Variants in CDH8 observed in about 807,000 individuals in gnomAD.
CDH8 encodes cadherin-8.
Under a neutral mutation model 68.1 loss-of-function variants are expected in CDH8, and 17 were observed. The ratio of observed to expected loss-of-function variants is 0.25; its 90% confidence interval spans 0.17 to 0.37. CDH8 has a LOEUF of 0.37. Ranked by LOEUF, CDH8 falls within the 10% of genes least tolerant of loss-of-function variation. The pLI is 1.00. For synonymous variants in CDH8, 372 were observed against 365.1 expected (o/e 1.02, Z -0.21); for missense variants, 763 against 999.3 (o/e 0.76, Z 3.19).
At chr16:61,658,208 C>T (rs1487432266) in intron 10 of CDH8, among the ~76,000 whole-genome samples, 2 of 152,012 alleles carry the variant, frequency 1.3e-5, no homozygotes, top group Non-Finnish European at 2.9e-5. Flanking sequence ...AGAATATTAG[C>T]AGTTTCACAA....
At chr16:61,727,897 C>T (rs1334004260) in intron 8 of CDH8, among the ~76,000 whole-genome samples, 1 of 151,010 alleles carries the variant, frequency 6.6e-6, no homozygotes, top group Non-Finnish European at 1.5e-5. Flanking sequence ...AATACATAAT[C>T]CTCAATCCCT....
chr16:61,735,968 G>A (rs1959666795), intron 8 of CDH8, among the ~76,000 whole-genome samples: 1 of 151,998 alleles, frequency 6.6e-6, no homozygotes, highest in Admixed American at 6.6e-5. Context: ...AGCTATTCTG[G>A]AGGCTGAGGC....
intron 2 of CDH8, among the ~76,000 whole-genome samples, chr16:61,961,953 T>C (rs1178523401): frequency 6.6e-6 from 1 of 152,232 alleles, no homozygotes. Flanking sequence ...GCCTTCTGTG[T>C]ACTGATAATG....
Position 61,789,405 on chromosome 16 carries a change from G to A in CDH8, c.1355C>T (p.Thr452Ile), listed in dbSNP as rs1213999085. 3.7e-6 allele frequency: 6 copies of A among 1,612,944 alleles called. 1 individual carries two copies. The Admixed American group carries it at 5.0e-5, about 13-fold the overall frequency. The change falls in exon 8 of 12, where the codon ACA becomes ATA. Residue 452 changes from threonine to isoleucine, a missense_variant. Transcript: ENST00000577390. ...NADDGKITLATPLDRELSVWH... is the reference protein window; with the variant it reads ...NADDGKITLAIPLDRELSVWH... ...TACACTTAATTCTCTGTCAAGTGGT[G>A]TTGCCAGCGTTATCTTCCCATCGTC...
intron 10 of CDH8, among the ~76,000 whole-genome samples, chr16:61,707,000 C>A (rs1964547565): frequency 6.6e-6 from 1 of 152,164 alleles, no homozygotes. Flanking sequence ...GTTCAAATAA[C>A]TACTTAAGTT....
At chr16:62,020,753 A>G (rs192033398) in intron 2 of CDH8, among the ~76,000 whole-genome samples, 41 of 152,362 alleles carry the variant, frequency 2.7e-4, no homozygotes, top group African/African-American at 9.1e-4. Flanking sequence ...AAATAAAATA[A>G]AACAAAATAA....
chr16:61,741,181 G>T (rs1959863122), intron 8 of CDH8, among the ~76,000 whole-genome samples: 1 of 151,992 alleles, frequency 6.6e-6, no homozygotes, highest in Non-Finnish European at 1.5e-5. Flanking sequence ...ATGTTTACTG[G>T]CCACTTGGAC....
At chr16:61,858,251 A>G (rs901554770) in intron 3 of CDH8, among the ~76,000 whole-genome samples, 3 of 152,146 alleles carry the variant, frequency 2.0e-5, no homozygotes, top group African/African-American at 7.2e-5. Flanking sequence ...GATCAGGAAC[A>G]TTTTCTAACA....
intron 10 of CDH8, among the ~76,000 whole-genome samples, chr16:61,681,877 T>C (rs1302084350): frequency 6.6e-6 from 1 of 151,838 alleles, no homozygotes; most frequent in Non-Finnish European, 1.5e-5. Flanking sequence ...ATGCTGACAA[T>C]AGCTGGCATC....
intron 4 of CDH8, among the ~76,000 whole-genome samples, chr16:61,840,987 C>T (rs1255736802): frequency 1.3e-5 from 2 of 151,892 alleles, no homozygotes; most frequent in South Asian, 4.2e-4. Context: ...AAATATAAGA[C>T]ATAAATTTAA....
At chr16:61,987,016 C>T (rs191453122) in intron 2 of CDH8, among the ~76,000 whole-genome samples, 226 of 152,322 alleles carry the variant, frequency 1.5e-3, no homozygotes, top group African/African-American at 5.1e-3. Flanking sequence ...TTCAAACAAA[C>T]ATCTCCCTCT....
intron 10 of CDH8, chr16:61,693,189 A>G (rs1016478563): frequency 4.6e-5 from 7 of 152,154 alleles, no homozygotes; most frequent in East Asian, 3.9e-4. Flanking sequence ...GTTAAAAAAT[A>G]AAAGTATTTC....
At chr16:61,857,028 T>C in intron 4 of CDH8, 91 bp downstream of exon 4, 1 of 1,446,626 alleles carries the variant, frequency 6.9e-7, no homozygotes, top group Admixed American at 1.7e-5. Context: ...GTGAAGTACT[T>C]ACACATAATA....
At chr16:61,954,146 C>G (rs1964945234) in intron 2 of CDH8, among the ~76,000 whole-genome samples, 1 of 151,830 alleles carries the variant, frequency 6.6e-6, no homozygotes, top group Non-Finnish European at 1.5e-5. Flanking sequence ...CTAGGCTGAA[C>G]TCTTTTCATG....
intron 9 of CDH8, among the ~76,000 whole-genome samples, chr16:61,715,539 T>A (rs984202869): frequency 6.6e-6 from 1 of 151,366 alleles, no homozygotes; most frequent in Non-Finnish European, 1.5e-5. Context: ...CAATAAAATT[T>A]TAGTCATCAT....
chr16:61,898,500 G>C (rs1249694599), intron 3 of CDH8, among the ~76,000 whole-genome samples: 1 of 152,106 alleles, frequency 6.6e-6, no homozygotes, highest in Non-Finnish European at 1.5e-5. Flanking sequence ...AAATGAAGCA[G>C]ACCATGAAAA....
At chr16:61,856,416 T>C (rs766289212) in intron 4 of CDH8, among the ~76,000 whole-genome samples, 1 of 152,168 alleles carries the variant, frequency 6.6e-6, no homozygotes, top group Non-Finnish European at 1.5e-5. Flanking sequence ...ATTAAAAACA[T>C]ATATCTTCAT....
intron 4 of CDH8, among the ~76,000 whole-genome samples, chr16:61,838,412 A>C (rs943070164): frequency 6.6e-6 from 1 of 152,122 alleles, no homozygotes; most frequent in African/African-American, 2.4e-5. Context: ...TCAACTCAAT[A>C]AACACTCACT....
In CDH8 at chr16:61,984,202, GCCA is replaced by G. The variant is rs1965589852; in HGVS notation, c.252+36947_252+36949del. Among the ~76,000 whole-genome samples the G allele has an allele frequency of 9.9e-5, 15 of 152,208 alleles. No individual in the cohort carries two copies. The South Asian group carries it at 3.1e-3, about 31-fold the overall frequency. ...CAAAGTGCTGGGATTACAGGCGTTA[GCCA>G]CCATGCCCAACTCTTTATTTTAATA... On this transcript the variant is annotated intron_variant, in intron 2 of 11. Coordinates refer to ENST00000577390, the MANE Select transcript of CDH8 (RefSeq NM_001796.5).
Sources: allele counts gnomAD v4.1 joint callset (sites outside exome capture counted in the v4.1 genomes callset), GRCh38; gene constraint gnomAD v4.1.1; transcripts MANE v1.5; gene names NCBI Gene and HGNC (gene_info 2026-07-23, HGNC 2026-07-21).